RBFOX1: variants seen among roughly 807,000 people sequenced by gnomAD.
RBFOX1 encodes the protein RNA binding fox-1 homolog 1, also known as RNA binding protein fox-1 homolog 1.
A neutral mutation model predicts 57.7 loss-of-function variants in RBFOX1; 8 were observed. The ratio of observed to expected loss-of-function variants is 0.14; its 90% confidence interval spans 0.08 to 0.25. The LOEUF (loss-of-function observed/expected upper bound fraction) is 0.25. Among genes scored for constraint, RBFOX1 ranks in the 10% least tolerant of loss-of-function variants. The pLI is 1.00. For synonymous variants in RBFOX1, 326 were observed against 222.4 expected (o/e 1.47, Z -4.15); for missense variants, 611 against 548.5 (o/e 1.11, Z -1.14).
At chr16:6,903,547 G>A (rs1350689634) in intron 3 of RBFOX1, among the ~76,000 whole-genome samples, 1 of 152,184 alleles carries the variant, frequency 6.6e-6, no homozygotes, top group Admixed American at 6.5e-5. Flanking sequence ...TGTGAGCTCG[G>A]AGTGAGTTCC....
chr16:6,884,707 G>A (rs1217140367), intron 3 of RBFOX1, among the ~76,000 whole-genome samples: 1 of 152,116 alleles, frequency 6.6e-6, no homozygotes, highest in Non-Finnish European at 1.5e-5. Context: ...AGACCAGCTT[G>A]GGCAACATGA....
chr16:6,410,223 C>T (rs570135920), intron 2 of RBFOX1, among the ~76,000 whole-genome samples: 79 of 144,934 alleles, frequency 5.5e-4, no homozygotes, highest in Admixed American at 9.7e-4. Flanking sequence ...TATGAATGTG[C>T]TTTTACAGGT....
intron 3 of RBFOX1, among the ~76,000 whole-genome samples, chr16:6,681,102 G>A (rs911632992): frequency 3.3e-5 from 5 of 152,230 alleles, no homozygotes; most frequent in Admixed American, 6.5e-5. Context: ...TTTGAGGTCA[G>A]GAGTTCGAGA....
intron 2 of RBFOX1, among the ~76,000 whole-genome samples, chr16:6,421,790 C>T (rs1196051167): frequency 1.3e-5 from 2 of 152,070 alleles, no homozygotes; most frequent in African/African-American, 4.8e-5. Context: ...CAGCTCTGTG[C>T]AGTTTTATAC....
rs536387944 is a variant in RBFOX1, at chr16:6,997,784, C to A, written c.-15-54273C>A. Among the ~76,000 whole-genome samples the A allele has an allele frequency of 2.6e-5, 4 of 152,208 alleles. No homozygotes were observed. The East Asian group carries it at 7.7e-4, about 29-fold the overall frequency. On this transcript the variant is annotated intron_variant, in intron 3 of 15. Transcript: ENST00000550418. ...TCACAACTACAGACTACTCAATTCC[C>A]TGTTTCTCTGAGGTAGGGTTTCTTG...
At chr16:7,142,912 A>ATTT (rs35864335) in intron 4 of RBFOX1, among the ~76,000 whole-genome samples, 7 of 147,314 alleles carry the variant, frequency 4.8e-5, no homozygotes, top group African/African-American at 1.5e-4. Context: ...TCTGCAGAGT[A>ATTT]TTTTTTTTTT....
intron 2 of RBFOX1, among the ~76,000 whole-genome samples, chr16:6,566,491 G>C (rs1393907665): frequency 6.6e-6 from 1 of 152,016 alleles, no homozygotes; most frequent in African/African-American, 2.4e-5. Flanking sequence ...AATCTACAGA[G>C]ACTTTGTCAT....
chr16:6,782,886 A>G (rs1207957431), intron 3 of RBFOX1, among the ~76,000 whole-genome samples: 2 of 152,074 alleles, frequency 1.3e-5, no homozygotes, highest in Non-Finnish European at 2.9e-5. Context: ...ATCTCTAATA[A>G]TATTTGCTTT....
At chr16:5,827,686 A>T (rs547913810) in intron 3 of RBFOX1, among the ~76,000 whole-genome samples, 1 of 152,204 alleles carries the variant, frequency 6.6e-6, no homozygotes, top group South Asian at 2.1e-4. Flanking sequence ...TTAGATGGCA[A>T]CCCCTGCTTT....
intron 4 of RBFOX1, among the ~76,000 whole-genome samples, chr16:5,972,423 T>C (rs1379483727): frequency 2.0e-5 from 3 of 152,202 alleles, no homozygotes; most frequent in East Asian, 3.9e-4. Context: ...GAAAGAAACC[T>C]CTCATTATGT....
At chr16:7,032,843 A>C (rs2153694117) in intron 3 of RBFOX1, among the ~76,000 whole-genome samples, 1 of 152,248 alleles carries the variant, frequency 6.6e-6, no homozygotes, top group East Asian at 1.9e-4. Context: ...TGGCATAGCC[A>C]CTCTGGGAAA....
chr16:7,544,242 T>G (rs2083789848), intron 5 of RBFOX1, among the ~76,000 whole-genome samples: 1 of 152,222 alleles, frequency 6.6e-6, no homozygotes, highest in South Asian at 2.1e-4. Context: ...AGGGAAATTA[T>G]GACAAAGGAG....
rs150968592 is a variant in RBFOX1, at chr16:6,030,401, T to C, written c.-127+10409T>C. Reference sequence around the variant, plus strand: ...GCCAGGAATCTCAGAGCTGATTTTATAGTTCAGTCACAGTAGTAAATAGAA... The same window carrying C: ...GCCAGGAATCTCAGAGCTGATTTTACAGTTCAGTCACAGTAGTAAATAGAA... On this transcript the variant is annotated intron_variant, in intron 1 of 15. Transcript: ENST00000550418. 7.3e-3 allele frequency among the ~76,000 whole-genome samples: 1,106 copies of C among 152,326 alleles called. 8 individuals are homozygous for C. Among genetic ancestry groups the C allele is most frequent in the Admixed American group, 0.02 (305 of 15,304 alleles).
chr16:6,532,303 A>G (rs1189090173), intron 2 of RBFOX1, among the ~76,000 whole-genome samples: 1 of 152,160 alleles, frequency 6.6e-6, no homozygotes, highest in African/African-American at 2.4e-5. Context: ...AGGAAGCACC[A>G]ACCAGTGAGC....
chr16:5,318,669 G>C (rs943347857), intron 1 of RBFOX1, among the ~76,000 whole-genome samples: 6 of 152,156 alleles, frequency 3.9e-5, no homozygotes, highest in African/African-American at 1.4e-4. Flanking sequence ...CTTCTAAGAT[G>C]GTCCCTCAAG....
chr16:5,986,215 C>T (rs978990938), intron 4 of RBFOX1, among the ~76,000 whole-genome samples: 58 of 152,214 alleles, frequency 3.8e-4, no homozygotes, highest in African/African-American at 1.3e-3. Context: ...AGGCATGCAC[C>T]ACCCCAGCTG....
chr16:6,531,102 A>C (rs1253887022), intron 2 of RBFOX1, among the ~76,000 whole-genome samples: 1 of 152,184 alleles, frequency 6.6e-6, no homozygotes, highest in Non-Finnish European at 1.5e-5. Context: ...CATGAGTGAC[A>C]GTCAAGTCAC....
chr16:5,877,134 G>C (rs2057632686), intron 4 of RBFOX1, among the ~76,000 whole-genome samples: 1 of 152,214 alleles, frequency 6.6e-6, no homozygotes, highest in African/African-American at 2.4e-5. Flanking sequence ...TCCAGGAGGA[G>C]GGAAAAGAGA....
At position 7,253,008 on chromosome 16, in the gene RBFOX1, A is replaced by G. The variant is rs150426358; in HGVS notation, c.27+200910A>G. Reference sequence around the variant, plus strand: ...AGTTCAGCATCTTGAGCCTCTGATAATAAGCCCTTCTGGGTAAATGAGTGT... The same window carrying G: ...AGTTCAGCATCTTGAGCCTCTGATAGTAAGCCCTTCTGGGTAAATGAGTGT... On this transcript the variant is annotated intron_variant, in intron 4 of 15. Transcript: ENST00000550418. Among the ~76,000 whole-genome samples the G allele has an allele frequency of 2.6e-5, 4 of 152,316 alleles. No individual in the cohort carries two copies. In the East Asian group the frequency reaches 7.7e-4, roughly 29 times the overall value.
Sources: allele counts gnomAD v4.1 joint callset (sites outside exome capture counted in the v4.1 genomes callset), GRCh38; gene constraint gnomAD v4.1.1; transcripts MANE v1.5; gene names NCBI Gene and HGNC (gene_info 2026-07-23, HGNC 2026-07-21).